The following ESR1 variants were observed in gnomAD, a reference collection of about 807,000 sequenced individuals.
ESR1 encodes estrogen receptor 1.
ESR1 carries 12 observed loss-of-function variants against 52.7 expected under a neutral mutation model. That is an observed-to-expected ratio of 0.23 (90% CI 0.15 to 0.37). ESR1 has a LOEUF of 0.37. Among genes scored for constraint, ESR1 ranks in the 10% least tolerant of loss-of-function variants. The pLI, the probability that ESR1 is intolerant of heterozygous loss-of-function variation, is 1.00. For synonymous variants in ESR1, 305 were observed against 316.8 expected (o/e 0.96, Z 0.39); for missense variants, 584 against 779.7 (o/e 0.75, Z 2.99).
intron 3 of ESR1, among the ~76,000 whole-genome samples, chr6:151,930,839 A>G (rs933927351): frequency 6.6e-5 from 10 of 152,108 alleles, no homozygotes; most frequent in African/African-American, 2.4e-4. Flanking sequence ...AACATTTTAT[A>G]TATTTTACTT....
intron 2 of ESR1, among the ~76,000 whole-genome samples, chr6:151,864,761 A>G (rs1789545221): frequency 6.6e-6 from 1 of 152,168 alleles, no homozygotes; most frequent in Non-Finnish European, 1.5e-5. Context: ...TGCAGCCATA[A>G]AAAAGGATGA....
In ESR1 at chr6:151,713,857, T is replaced by C. The variant is rs190806064; in HGVS notation, c.-71+11852T>C. On this transcript the variant is annotated intron_variant, in intron 2 of 2. Coordinates refer to the ESR1 transcript ENST00000404742. ...TGTCTCCTTCAGTTCTGCTCTGATC[T>C]TAGTTATTTCTTGTCTTCTGCTAGC... is the stretch of plus-strand genomic sequence containing the variant. Among the ~76,000 whole-genome samples the C allele has an allele frequency of 1.8e-4, 28 of 152,294 alleles. No homozygotes were observed. In the East Asian group the frequency reaches 5.4e-3, roughly 29 times the overall value.
At chr6:151,954,641 T>C (rs1030253377) in intron 4 of ESR1, among the ~76,000 whole-genome samples, 2 of 152,238 alleles carry the variant, frequency 1.3e-5, no homozygotes, top group Admixed American at 1.3e-4. Context: ...TTTTACCTGG[T>C]CAAGATGTTT....
chr6:152,082,393 C>A (rs1279062581), intron 6 of ESR1, among the ~76,000 whole-genome samples: 1 of 152,132 alleles, frequency 6.6e-6, no homozygotes, highest in Non-Finnish European at 1.5e-5. Flanking sequence ...GCAGAAAAGG[C>A]CTTTGACAAA....
chr6:151,802,088 A>G (rs1157763544), upstream of ESR1, among the ~76,000 whole-genome samples: 1 of 152,258 alleles, frequency 6.6e-6, no homozygotes, highest in Non-Finnish European at 1.5e-5. Flanking sequence ...TTACATGGAC[A>G]TATCCATCTG....
chr6:151,892,629 T>C (rs1317210704), intron 3 of ESR1, among the ~76,000 whole-genome samples: 1 of 147,668 alleles, frequency 6.8e-6, no homozygotes, highest in Non-Finnish European at 1.5e-5. Flanking sequence ...GTAATAATCA[T>C]GACTAAGACT....
intron 3 of ESR1, among the ~76,000 whole-genome samples, chr6:151,931,529 G>A (rs565693805): frequency 6.6e-6 from 1 of 151,016 alleles, no homozygotes; most frequent in Admixed American, 6.6e-5. Context: ...GTATACATGT[G>A]CCATGCTTGT....
intron 2 of ESR1, among the ~76,000 whole-genome samples, chr6:151,766,154 G>A (rs1264858440): frequency 6.6e-6 from 1 of 152,150 alleles, no homozygotes; most frequent in East Asian, 1.9e-4. Context: ...TAAAATTTGT[G>A]ATTTTTGAAG....
rs531112567 is a variant in ESR1 at position 152,087,954 on chromosome 6, C to G, written c.1370-6431C>G. Among the ~76,000 whole-genome samples the G allele has an allele frequency of 8.5e-5, 13 of 152,188 alleles. 1 individual carries two copies. The South Asian group carries it at 2.7e-3, about 32-fold the overall frequency. On this transcript the variant is annotated intron_variant, in intron 6 of 7. Transcript: ENST00000206249. ...CTCCACGGGAGATTCTGAGAGACAG[C>G]CAAGTTTGAGATTCACAAACCTTAA...
intron 4 of ESR1, among the ~76,000 whole-genome samples, chr6:151,979,900 T>C (rs898527606): frequency 2.6e-5 from 4 of 152,206 alleles, no homozygotes; most frequent in African/African-American, 9.7e-5. Flanking sequence ...TGTTGGTTTT[T>C]CAATAAGAAA....
At chr6:151,779,899 CAAAAA>C (rs1192077755) in intron 2 of ESR1, among the ~76,000 whole-genome samples, 1 of 44,752 alleles carries the variant, frequency 2.2e-5, no homozygotes, top group African/African-American at 8.5e-5. Flanking sequence ...GACTCCGTCT[CAAAAA>C]AAAAAAAAAA....
At chr6:151,992,166 G>A (rs1329603338) in intron 4 of ESR1, among the ~76,000 whole-genome samples, 3 of 152,124 alleles carry the variant, frequency 2.0e-5, no homozygotes, top group African/African-American at 7.2e-5. Context: ...TAATATATAA[G>A]TAACGTACAA....
In ESR1 at chr6:152,098,795, G is replaced by C. The variant is rs2152506583; in HGVS notation, c.1617G>C (p.Leu539=). 1.9e-6 allele frequency: 3 copies of C among 1,614,206 alleles called. No homozygotes were observed. The highest frequency in any genetic ancestry group is 2.2e-5 in the South Asian group (2 of 91,090). ...KCKNVVPLYD[L]LLEMLDAHRL... is the part of the protein sequence containing the mutation. ...AGAACGTGGTGCCCCTCTATGACCTGCTGCTGGAGATGCTGGACGCCCACC... is the reference window on the plus strand; with the variant it reads ...AGAACGTGGTGCCCCTCTATGACCTCCTGCTGGAGATGCTGGACGCCCACC... The change falls in exon 8 of 8, where the codon CTG becomes CTC. Residue 539 remains leucine, a synonymous_variant. Coordinates refer to ENST00000206249, the MANE Select transcript of ESR1 (RefSeq NM_000125.4). The surrounding 1 kb of genome is among the most constrained non-coding windows in gnomAD (Gnocchi z 5.1).
chr6:151,898,384 A>ATTTTTTTTTTTTTTTTTTT (rs371510396), intron 3 of ESR1, among the ~76,000 whole-genome samples: 2 of 101,216 alleles, frequency 2.0e-5, no homozygotes, highest in South Asian at 3.1e-4. Flanking sequence ...GGTTTTGTTC[A>ATTTTTTTTTTTTTTTTTTT]TTTTTTTTTT....
At chr6:151,900,558 C>T (rs1584076820) in intron 3 of ESR1, among the ~76,000 whole-genome samples, 1 of 152,170 alleles carries the variant, frequency 6.6e-6, no homozygotes, top group African/African-American at 2.4e-5. Context: ...CTGGTTCCTT[C>T]TCATTTGGTA....
In ESR1 at chr6:152,101,037, T is replaced by G. The variant is rs1437857883; in HGVS notation, c.*2071T>G. On this transcript the variant is annotated 3_prime_UTR_variant, in exon 8 of 8. Transcript: ENST00000206249. ...AAAAACCAAGGAAAAATATTTAGTT[T>G]TTTTTTTTTTTTTTGTATACTTTTC... The G allele has an allele frequency of 9.0e-6, 2 of 223,298 alleles. No homozygotes were observed. The highest frequency in any genetic ancestry group is 2.2e-5 in the African/African-American group (1 of 44,618). The allele number at this position is 223,298 out of a possible 1,614,324, so 13.8% of individuals were successfully genotyped here.
At position 151,855,591 on chromosome 6, in the gene ESR1, T is replaced by C. The variant is rs368533163; in HGVS notation, c.643+12804T>C. Among the ~76,000 whole-genome samples, 6 of 152,332 alleles carry C rather than the reference T, an allele frequency of 3.9e-5. 1 individual carries two copies. The highest frequency in any genetic ancestry group is 3.9e-4 in the East Asian group (2 of 5,192). On this transcript the variant is annotated intron_variant, in intron 2 of 7. Coordinates refer to ENST00000206249, the MANE Select transcript of ESR1 (RefSeq NM_000125.4). ...TTGAATGACTATTTTATTTTAGCTC[T>C]AGGAGAAATGCAAAGATATATCATC...
chr6:152,015,215 A>G (rs1359120509), intron 5 of ESR1, among the ~76,000 whole-genome samples: 1 of 152,120 alleles, frequency 6.6e-6, no homozygotes, highest in Non-Finnish European at 1.5e-5. Flanking sequence ...TGAACTTCAC[A>G]CATTCGAATT....
At chr6:151,695,130 A>G (rs1312319990) in intron 1 of ESR1, among the ~76,000 whole-genome samples, 1 of 152,212 alleles carries the variant, frequency 6.6e-6, no homozygotes, top group Non-Finnish European at 1.5e-5. Flanking sequence ...ACAAGTAGCT[A>G]GGAGCTTCCC....
Sources: allele counts gnomAD v4.1 joint callset (sites outside exome capture counted in the v4.1 genomes callset), GRCh38; gene constraint gnomAD v4.1.1; non-coding constraint Gnocchi (gnomAD v3.1); transcripts MANE v1.5; gene names NCBI Gene and HGNC (gene_info 2026-07-23, HGNC 2026-07-21).